Variants in FOXP1 observed in about 807,000 individuals in gnomAD.
FOXP1 encodes forkhead box P1, also known as forkhead box protein P1.
FOXP1 carries 15 observed loss-of-function variants against 98.2 expected under a neutral mutation model. The ratio of observed to expected loss-of-function variants is 0.15; its 90% CI spans 0.10 to 0.24. The LOEUF (loss-of-function observed/expected upper bound fraction) is 0.24. Ranked by LOEUF, FOXP1 falls within the 10% of genes least tolerant of loss-of-function variation. The pLI, the probability that FOXP1 is intolerant of heterozygous loss-of-function variation, is 1.00. For synonymous variants in FOXP1, 371 were observed against 314.5 expected, an observed-to-expected ratio of 1.18 and a Z score of -1.90; for missense variants, 633 against 848.5, an observed-to-expected ratio of 0.75 and a Z score of 3.15.
intron 1 of FOXP1, 106 bp from the exon 2 acceptor site, chr3:71,581,803 G>C: frequency 2.0e-6 from 2 of 986,146 alleles, no homozygotes; most frequent in Non-Finnish European, 2.4e-6. Context: ...GGCCAGGACA[G>C]AGAGGGCAGC....
rs574046494 is a variant in FOXP1 at position 71,355,914 on chromosome 3, A to C, written c.-73+3236T>G. On this transcript the variant is annotated intron_variant, in intron 4 of 20. Transcript: ENST00000649528. ...CTGTTTTTCAATCTGGGTACAAGTC[A>C]CCAACTGGGTCATCCATGAGTACTG... 8.5e-5 allele frequency among the ~76,000 whole-genome samples: 13 copies of C among 152,254 alleles called. No homozygotes were observed. The South Asian group carries it at 2.7e-3, about 32-fold the overall frequency.
At chr3:71,148,796 A>G (rs2060439666) in intron 6 of FOXP1, among the ~76,000 whole-genome samples, 1 of 152,222 alleles carries the variant, frequency 6.6e-6, no homozygotes, top group African/African-American at 2.4e-5. Flanking sequence ...TCACCAAACT[A>G]GAGCAAATGG....
chr3:71,577,871 T>C (rs111439581), intron 2 of FOXP1, among the ~76,000 whole-genome samples: 63 of 152,208 alleles, frequency 4.1e-4, no homozygotes, highest in African/African-American at 1.4e-3. Flanking sequence ...CAGATGCCTT[T>C]CTTGAGGTTA....
At chr3:71,207,308 C>T (rs1413627302) in intron 5 of FOXP1, among the ~76,000 whole-genome samples, 2 of 149,616 alleles carry the variant, frequency 1.3e-5, no homozygotes, top group African/African-American at 2.5e-5. Flanking sequence ...AGGTTCATAA[C>T]ATAGATTAAT....
At chr3:71,263,861 C>T (rs1220949560) in intron 5 of FOXP1, among the ~76,000 whole-genome samples, 1 of 151,916 alleles carries the variant, frequency 6.6e-6, no homozygotes, top group Non-Finnish European at 1.5e-5. Flanking sequence ...CCTCTTGACT[C>T]AGCCTCCTGA....
chr3:71,267,274 G>A (rs2069787044), intron 5 of FOXP1, among the ~76,000 whole-genome samples: 1 of 152,110 alleles, frequency 6.6e-6, no homozygotes, highest in African/African-American at 2.4e-5. Flanking sequence ...TGGCCCAGGT[G>A]TCTCTCCACT....
At chr3:71,058,199 C>T (rs2050944918) in intron 7 of FOXP1, among the ~76,000 whole-genome samples, 1 of 152,038 alleles carries the variant, frequency 6.6e-6, no homozygotes, top group Non-Finnish European at 1.5e-5. Context: ...CTGAAAATAA[C>T]ATGTTATCAT....
At chr3:71,258,839 T>C (rs1322433266) in intron 5 of FOXP1, among the ~76,000 whole-genome samples, 2 of 152,130 alleles carry the variant, frequency 1.3e-5, no homozygotes, top group East Asian at 1.9e-4. Context: ...CCTTTGACAG[T>C]AGCCCTAAGA....
intron 3 of FOXP1, among the ~76,000 whole-genome samples, chr3:71,388,808 T>C (rs1203865499): frequency 6.6e-6 from 1 of 152,180 alleles, no homozygotes; most frequent in African/African-American, 2.4e-5. Flanking sequence ...CCACTATCCT[T>C]GAAAAGAAAA....
intron 1 of FOXP1, chr3:71,582,016 G>T (rs538687632): frequency 3.1e-5 from 30 of 977,836 alleles, no homozygotes; most frequent in Middle Eastern, 5.2e-4. Context: ...CGGGCGCAAG[G>T]TTTGGAGTTA....
intron 12 of FOXP1, among the ~76,000 whole-genome samples, chr3:71,004,569 G>A (rs1355805858): frequency 6.6e-6 from 1 of 152,110 alleles, no homozygotes; most frequent in Non-Finnish European, 1.5e-5. Context: ...AGGGTTTAAA[G>A]GTGAAATGCA....
chr3:71,424,719 C>A (rs1309967204), intron 3 of FOXP1, among the ~76,000 whole-genome samples: 1 of 152,202 alleles, frequency 6.6e-6, no homozygotes, highest in Admixed American at 6.5e-5. Flanking sequence ...GGTGTCACTG[C>A]CGAGCTGAAG....
At chr3:71,419,210 G>C (rs1052056839) in intron 3 of FOXP1, among the ~76,000 whole-genome samples, 8 of 127,426 alleles carry the variant, frequency 6.3e-5, no homozygotes, top group African/African-American at 2.4e-4. Flanking sequence ...ACTCCAGCCT[G>C]GGTGACAGAG....
intron 6 of FOXP1, among the ~76,000 whole-genome samples, chr3:71,154,317 A>G (rs2060718639): frequency 6.6e-6 from 1 of 152,078 alleles, no homozygotes. Context: ...GCTGCACAAC[A>G]ATTTACTAAA....
intron 3 of FOXP1, among the ~76,000 whole-genome samples, chr3:71,407,930 G>A (rs776132932): frequency 9.9e-5 from 15 of 152,126 alleles, no homozygotes; most frequent in Admixed American, 2.0e-4. Context: ...GCCTGTGTAC[G>A]TCCCATTCTT....
At chr3:71,348,506 A>AGTGTGT (rs200279807) in intron 4 of FOXP1, among the ~76,000 whole-genome samples, 1 of 90,550 alleles carries the variant, frequency 1.1e-5, no homozygotes, top group African/African-American at 3.7e-5. Flanking sequence ...TGCTGTGTTC[A>AGTGTGT]GTGTGTGTGT....
intron 4 of FOXP1, among the ~76,000 whole-genome samples, chr3:71,328,447 A>T (rs1452962322): frequency 6.6e-6 from 1 of 152,152 alleles, no homozygotes; most frequent in Non-Finnish European, 1.5e-5. Context: ...CTTGCTCCTT[A>T]CCACACCTTT....
intron 3 of FOXP1, among the ~76,000 whole-genome samples, chr3:71,441,003 TTC>T (rs1348393462): frequency 2.0e-5 from 3 of 152,246 alleles, no homozygotes; most frequent in African/African-American, 4.8e-5. Context: ...ATGTTAGGAA[TTC>T]TCTTTTTCTG....
intron 7 of FOXP1, chr3:71,064,886 G>A (rs1187236248): frequency 5.6e-6 from 5 of 892,738 alleles, no homozygotes; most frequent in East Asian, 1.2e-4. Context: ...GCGCGGGCCG[G>A]GCGTGGGGTC....
Sources: gnomAD v4.1 joint callset for allele counts (sites outside exome capture counted in the v4.1 genomes callset) on GRCh38, gnomAD v4.1.1 for gene constraint, MANE v1.5 for transcripts, NCBI Gene and HGNC (gene_info 2026-07-23, HGNC 2026-07-21) for gene names.